The following SLC25A21 variants were observed in gnomAD, a reference collection of about 807,000 sequenced individuals.
SLC25A21 encodes the protein mitochondrial 2-oxodicarboxylate carrier.
A neutral mutation model predicts 43.8 loss-of-function variants in SLC25A21; 47 were observed. That is an observed-to-expected ratio of 1.07 (90% CI 0.85 to 1.37). The LOEUF (loss-of-function observed/expected upper bound fraction) is 1.37. Among genes scored for constraint, SLC25A21 ranks in the 40% most tolerant of loss-of-function variants. The probability of loss-of-function intolerance (pLI) is 0.00; values close to 1 mark genes in which losing one functional copy is unlikely to be tolerated. For missense variants in SLC25A21, 352 were observed against 350.2 expected (o/e 1.00, Z -0.04); for synonymous variants, 131 against 121.3 (o/e 1.08, Z -0.52).
At chr14:37,097,797 T>C (rs1962729369) in intron 1 of SLC25A21, 1 of 151,936 alleles carries the variant, frequency 6.6e-6, no homozygotes, top group Non-Finnish European at 1.5e-5. Context: ...GTCGGGAGAA[T>C]TGCTTGAACC....
chr14:36,882,130 C>T (rs1161286070), intron 1 of SLC25A21, among the ~76,000 whole-genome samples: 1 of 152,172 alleles, frequency 6.6e-6, no homozygotes, highest in Non-Finnish European at 1.5e-5. Context: ...CACCTGTAAT[C>T]CCAGCACTTT....
At chr14:37,016,769 C>A (rs550996666) in intron 1 of SLC25A21, among the ~76,000 whole-genome samples, 1 of 152,210 alleles carries the variant, frequency 6.6e-6, no homozygotes, top group South Asian at 2.1e-4. Flanking sequence ...CCTTCATCAA[C>A]GATCTTAGCT....
chr14:36,813,622 A>G (rs1400199369), intron 3 of SLC25A21, among the ~76,000 whole-genome samples: 1 of 152,202 alleles, frequency 6.6e-6, no homozygotes, highest in Non-Finnish European at 1.5e-5. Flanking sequence ...TACAGTACCA[A>G]AATAAAGAAC....
intron 1 of SLC25A21, among the ~76,000 whole-genome samples, chr14:37,053,166 T>C (rs1210762321): frequency 6.6e-6 from 1 of 152,162 alleles, no homozygotes; most frequent in Admixed American, 6.5e-5. Flanking sequence ...AATAGCAATG[T>C]TTTATATCCT....
chr14:37,118,485 G>A (rs1963147131), intron 1 of SLC25A21, among the ~76,000 whole-genome samples: 1 of 152,170 alleles, frequency 6.6e-6, no homozygotes, highest in African/African-American at 2.4e-5. Flanking sequence ...CTGTTTAACT[G>A]GTTCTGAATA....
intron 1 of SLC25A21, among the ~76,000 whole-genome samples, chr14:37,039,345 A>C (rs537343749): frequency 6.6e-6 from 1 of 152,324 alleles, no homozygotes; most frequent in African/African-American, 2.4e-5. Flanking sequence ...CTGTGAAAAC[A>C]TCATCACAAT....
chr14:36,764,111 G>A (rs10134730), intron 3 of SLC25A21, among the ~76,000 whole-genome samples: 72 of 47,670 alleles, frequency 1.5e-3, no homozygotes, highest in East Asian at 7.6e-3. Flanking sequence ...AAGGAAGGAA[G>A]GAAAGAAGGA....
At chr14:36,701,503 C>A (rs1194448981) in intron 7 of SLC25A21, among the ~76,000 whole-genome samples, 2 of 151,984 alleles carry the variant, frequency 1.3e-5, no homozygotes, top group Non-Finnish European at 2.9e-5. Flanking sequence ...CCTTTTTTTC[C>A]TCTAAGTTGT....
At chr14:37,053,123 T>C (rs1458622918) in intron 1 of SLC25A21, among the ~76,000 whole-genome samples, 14 of 152,192 alleles carry the variant, frequency 9.2e-5, no homozygotes, top group Admixed American at 9.2e-4. Flanking sequence ...TGACTTATAA[T>C]GAACATAAAA....
intron 1 of SLC25A21, among the ~76,000 whole-genome samples, chr14:37,044,335 GA>G (rs1411213288): frequency 6.6e-6 from 1 of 151,884 alleles, no homozygotes; most frequent in Non-Finnish European, 1.5e-5. Context: ...TTACATAAAA[GA>G]AAAGAAAAAT....
chr14:36,717,220 TTTTA>T (rs1330620753), intron 6 of SLC25A21, among the ~76,000 whole-genome samples: 1 of 152,204 alleles, frequency 6.6e-6, no homozygotes, highest in African/African-American at 2.4e-5. Flanking sequence ...AAAATCTTCC[TTTTA>T]TTTGAGAACA....
intron 2 of SLC25A21, among the ~76,000 whole-genome samples, chr14:36,838,672 G>T (rs712361): frequency 0.94 from 143,816 of 152,220 alleles, 68,488 homozygotes; most frequent in East Asian, 1. Context: ...TGTTGATTAT[G>T]ACATTGCTTT....
At chr14:37,134,929 C>CT (rs34540986) in intron 1 of SLC25A21, among the ~76,000 whole-genome samples, 8,687 of 139,402 alleles carry the variant, frequency 0.062, 912 homozygotes, top group African/African-American at 0.21. Flanking sequence ...CTCATCTCTA[C>CT]TTTTTTTTTT....
At chr14:36,939,297 G>A (rs1450156046) in intron 1 of SLC25A21, among the ~76,000 whole-genome samples, 1 of 151,956 alleles carries the variant, frequency 6.6e-6, no homozygotes, top group African/African-American at 2.4e-5. Context: ...CATATAAGCT[G>A]GAGCCAGGGG....
At chr14:36,882,754 C>T (rs1324247641) in intron 1 of SLC25A21, among the ~76,000 whole-genome samples, 1 of 151,510 alleles carries the variant, frequency 6.6e-6, no homozygotes, top group Non-Finnish European at 1.5e-5. Context: ...TATCTGATTG[C>T]CTGTTTGACA....
chr14:37,168,517 C>G (rs1433318571), intron 1 of SLC25A21, among the ~76,000 whole-genome samples: 1 of 151,956 alleles, frequency 6.6e-6, no homozygotes, highest in African/African-American at 2.4e-5. Context: ...AAATAATCTC[C>G]CCTGAGGTTC....
intron 1 of SLC25A21, among the ~76,000 whole-genome samples, chr14:36,963,099 T>A (rs551190560): frequency 2.0e-5 from 3 of 152,320 alleles, no homozygotes; most frequent in Admixed American, 2.0e-4. Flanking sequence ...ATTAAAGAGG[T>A]TGAAAGTCAA....
intron 2 of SLC25A21, among the ~76,000 whole-genome samples, chr14:36,863,105 G>T (rs1188027881): frequency 2.0e-5 from 3 of 152,088 alleles, no homozygotes; most frequent in Non-Finnish European, 4.4e-5. Context: ...CCGTGACAAA[G>T]ATAAGAAGGC....
At chr14:37,141,955 T>C (rs1963579370) in intron 1 of SLC25A21, among the ~76,000 whole-genome samples, 1 of 152,216 alleles carries the variant, frequency 6.6e-6, no homozygotes, top group Admixed American at 6.5e-5. Context: ...CCAGAGGTTC[T>C]GATGTAGTCA....
Sources: gnomAD v4.1 joint callset for allele counts (sites outside exome capture counted in the v4.1 genomes callset) on GRCh38, gnomAD v4.1.1 for gene constraint, MANE v1.5 for transcripts, NCBI Gene and HGNC (gene_info 2026-07-23, HGNC 2026-07-21) for gene names.